Variants in MUC3A observed in about 807,000 individuals in gnomAD.
MUC3A encodes mucin 3A, cell surface associated.
MUC3A carries 109 observed loss-of-function variants against 109.0 expected under a neutral mutation model. The ratio of observed to expected loss-of-function variants is 1.00; its 90% confidence interval spans 0.86 to 1.17. MUC3A has a LOEUF of 1.17. Ranked by LOEUF, MUC3A falls within the 50% of genes most tolerant of loss-of-function variation. MUC3A has a pLI of 0.00. For synonymous variants in MUC3A, 1,398 were observed against 981.4 expected, an observed-to-expected ratio of 1.42 and a Z score of -7.93; for missense variants, 3,537 against 2,469.4, an observed-to-expected ratio of 1.43 and a Z score of -9.16.
chr7:100,965,617 C>T (rs587613728), intron 7 of MUC3A, 87 bp from the exon 8 acceptor site: 92 of 1,532,958 alleles, frequency 6.0e-5, no homozygotes, highest in Admixed American at 2.6e-4. Flanking sequence ...GAATCCTCCT[C>T]GCGCATATTC....
In MUC3A at chr7:100,965,408, A is replaced by G. The variant is rs1792498277; in HGVS notation, c.9448+61A>G. The G allele has an allele frequency of 1.9e-6, 3 of 1,566,892 alleles. No individual in the cohort carries two copies. The South Asian group carries it at 3.4e-5, about 18-fold the overall frequency. Reference sequence around the variant, plus strand: ...GGCTATGATCCGGGCTACCAGGGACATTTGCCCATTGAAGCCTGTGGGCAG... The same window carrying G: ...GGCTATGATCCGGGCTACCAGGGACGTTTGCCCATTGAAGCCTGTGGGCAG... On this transcript the variant is annotated intron_variant, in intron 7 of 11. Transcript: ENST00000379458.
In MUC3A at chr7:100,954,645, T is replaced by C; in HGVS notation, c.2866T>C (p.Ser956Pro). The C allele has an allele frequency of 2.5e-6, 1 of 400,004 alleles. No individual in the cohort carries two copies. Among genetic ancestry groups the C allele is most frequent in the South Asian group, 1.3e-4 (1 of 7,912 alleles). The allele number at this position is 400,004 out of a possible 1,614,324, so 24.8% of individuals were successfully genotyped here. The stretch of plus-strand genomic sequence containing the variant: ...CACTACCACCACCTCATTTACCACA[T>C]CCACAATGATGGAACCACCTTCATC... ...SPTTTTSFTT[S>P]TMMEPPSSTV... is the part of the protein sequence containing the mutation. The change falls in exon 2 of 12, where the codon TCC becomes CCC. Residue 956 changes from serine (S) to proline (P), a missense_variant. Coordinates refer to ENST00000379458, the MANE Select transcript of MUC3A (RefSeq NM_005960.2).
intron 5 of MUC3A, chr7:100,964,459 A>G: frequency 1.6e-6 from 1 of 638,078 alleles, no homozygotes; most frequent in Non-Finnish European, 2.5e-6. Flanking sequence ...CTTTGTCTCT[A>G]TAAAACACAC....
intron 5 of MUC3A, chr7:100,963,984 C>T (rs1792433057): frequency 4.6e-6 from 3 of 653,770 alleles, no homozygotes; most frequent in Non-Finnish European, 7.9e-6. Context: ...GTTGCAGGGA[C>T]ATGTGGGAAG....
chr7:100,962,815 T>C (rs1364464139), intron 3 of MUC3A, among the ~76,000 whole-genome samples: 20,438 of 79,464 alleles, frequency 0.26, 1,542 homozygotes, highest in South Asian at 0.34. Flanking sequence ...CTCTCTCTCT[T>C]TCTTTCTTTC....
In MUC3A at chr7:100,954,442, C is replaced by T; in HGVS notation, c.2663C>T (p.Thr888Ile). Residue 888 changes from threonine (T) to isoleucine (I), a missense_variant, in exon 2 of 12, where the codon ACT becomes ATT. By Grantham distance (89) the Thr-to-Ile change is moderately conservative. Transcript: ENST00000379458. ...TSATTPSGGP[T>I]FTSTENTPTR... ...GCTACCACTCCCAGTGGAGGACCAACTTTCACAAGTACTGAGAACACTCCA... is the reference window on the plus strand; with the variant it reads ...GCTACCACTCCCAGTGGAGGACCAATTTTCACAAGTACTGAGAACACTCCA... The T allele has an allele frequency of 2.5e-6, 1 of 402,886 alleles. No individual in the cohort carries two copies. Among genetic ancestry groups the T allele is most frequent in the Non-Finnish European group, 4.4e-6 (1 of 229,174 alleles). The allele number at this position is 402,886 out of a possible 1,614,324, so 25.0% of individuals were successfully genotyped here. A position where few individuals can be genotyped will look rare whatever the true frequency, so the allele number is the denominator to read the frequency against.
At position 100,959,854 on chromosome 7, in the gene MUC3A, C is replaced by T. The variant is rs1370211723; in HGVS notation, c.8075C>T (p.Ser2692Phe). ...WSSTPTIIMSSSPSSASITPV... is the reference protein window; with the variant it reads ...WSSTPTIIMSFSPSSASITPV... ...TCAACACCCACTATTATCATGTCCT[C>T]TTCTCCATCTTCTGCCAGCATAACT... The change falls in exon 2 of 12, where the codon TCT becomes TTT. Residue 2692 changes from serine to phenylalanine, a missense_variant. Transcript: ENST00000379458. The T allele has an allele frequency of 1.3e-6, 2 of 1,561,604 alleles. No homozygotes were observed. Among genetic ancestry groups the T allele is most frequent in the East Asian group, 2.2e-5 (1 of 44,666 alleles).
chr7:100,950,812 G>T (rs1469080265), intron 1 of MUC3A, among the ~76,000 whole-genome samples: 1 of 152,312 alleles, frequency 6.6e-6, no homozygotes, highest in African/African-American at 2.4e-5. Flanking sequence ...GTCTATTTGT[G>T]TGATGAACAC....
intron 8 of MUC3A, 144 bp downstream of exon 8, chr7:100,966,010 G>A: frequency 1.5e-6 from 2 of 1,341,176 alleles, no homozygotes; most frequent in Non-Finnish European, 2.0e-6. Flanking sequence ...GCCCATCCCC[G>A]TTGCCCTACA....
chr7:100,959,934 A>G lies in MUC3A; in HGVS notation c.8155A>G (p.Thr2719Ala). 1 of 1,512,356 alleles carries G rather than the reference A, an allele frequency of 6.6e-7. No homozygotes were observed. The highest frequency in any genetic ancestry group is 8.8e-7 in the Non-Finnish European group (1 of 1,141,586). The allele number at this position is 1,512,356 out of a possible 1,614,324, so 93.7% of individuals were successfully genotyped here. ...TCCTTCTTCACCATACATTTTCAGT[A>G]CAGAAAATGTGGGCTCCGCTTCTAT... ...SVPSSPYIFS[T>A]ENVGSASITG... is the part of the protein sequence containing the mutation. Residue 2719 changes from threonine (T) to alanine (A), a missense_variant, in exon 2 of 12, where the codon ACA becomes GCA. Coordinates refer to ENST00000379458, the MANE Select transcript of MUC3A (RefSeq NM_005960.2).
chr7:100,966,404 G>T lies in MUC3A; in HGVS notation c.9630G>T (p.Thr3210=). Reference sequence around the variant, plus strand: ...CCCGCAGCTGCTACTCCACCGACACGCACTGGTTCTCTGGCCCGCGCTGCG... The same window carrying T: ...CCCGCAGCTGCTACTCCACCGACACTCACTGGTTCTCTGGCCCGCGCTGCG... The part of the protein sequence containing the change: ...GPTCRCYSTD[T]HWFSGPRCEV... Residue 3210 remains threonine (T), a synonymous_variant, in exon 9 of 12, where the codon ACG becomes ACT. Coordinates refer to ENST00000379458, the MANE Select transcript of MUC3A (RefSeq NM_005960.2). 2 of 1,346,656 alleles carry T rather than the reference G, an allele frequency of 1.5e-6. No individual in the cohort carries two copies. Among genetic ancestry groups the T allele is most frequent in the Non-Finnish European group, 1.9e-6 (2 of 1,055,306 alleles). 83.4% of individuals were successfully genotyped at this position (1,346,656 alleles called of 1,614,324 possible).
Position 100,960,323 on chromosome 7 carries a change from T to C in MUC3A, c.8544T>C (p.Ser2848=), listed in dbSNP as rs112050489. ...CCAGCATCTCACCCAATGCTTCCAGTTCCACTGGCACTGGGACTGTACCCA... is the reference window on the plus strand; with the variant it reads ...CCAGCATCTCACCCAATGCTTCCAGCTCCACTGGCACTGGGACTGTACCCA... ...SESSISPNAS[S]STGTGTVPTN... is the part of the protein sequence containing the mutation. The change falls in exon 2 of 12, where the codon AGT becomes AGC. Residue 2848 remains serine (S), a synonymous_variant. Coordinates refer to ENST00000379458, the MANE Select transcript of MUC3A (RefSeq NM_005960.2). The C allele has an allele frequency of 0.1, 126,948 of 1,258,504 alleles. No individual in the cohort carries two copies. The highest frequency in any genetic ancestry group is 0.11 in the Non-Finnish European group (101,256 of 902,514). 78.0% of individuals were successfully genotyped at this position (1,258,504 alleles called of 1,614,324 possible).
Position 100,960,155 on chromosome 7 carries a change from C to T in MUC3A, c.8376C>T (p.Ser2792=). Reference sequence around the variant, plus strand: ...ATCCATGTGTTGAAATGGATCCCAGCACTGAAGCTACTTCTCCTCCCACCA... The same window carrying T: ...ATCCATGTGTTGAAATGGATCCCAGTACTGAAGCTACTTCTCCTCCCACCA... ...PTDPCVEMDP[S]TEATSPPTTP... The change falls in exon 2 of 12, where the codon AGC becomes AGT. Residue 2792 remains serine (S), a synonymous_variant. Transcript: ENST00000379458. 1.3e-6 allele frequency: 2 copies of T among 1,564,722 alleles called. No homozygotes were observed. Among genetic ancestry groups the T allele is most frequent in the Non-Finnish European group, 1.7e-6 (2 of 1,161,428 alleles).
Position 100,966,562 on chromosome 7 carries a change from G to T in MUC3A, c.9785+3G>T. 6.8e-7 allele frequency: 1 copy of T among 1,460,362 alleles called. No homozygotes were observed. The highest frequency in any genetic ancestry group is 9.0e-7 in the Non-Finnish European group (1 of 1,113,972). The allele number at this position is 1,460,362 out of a possible 1,614,324, so 90.5% of individuals were successfully genotyped here. A position where few individuals can be genotyped will look rare whatever the true frequency, so the allele number is the denominator to read the frequency against. ...TGGGGCGGCCAGCGCCGAGGCCGGTGAGCGTGCGGGGGGCGGGGCCGGGGG... is the reference window on the plus strand; with the variant it reads ...TGGGGCGGCCAGCGCCGAGGCCGGTTAGCGTGCGGGGGGCGGGGCCGGGGG... On this transcript the variant is annotated splice_donor_region_variant and intron_variant, in intron 9 of 11. Coordinates refer to ENST00000379458, the MANE Select transcript of MUC3A (RefSeq NM_005960.2).
chr7:100,964,284 GTAA>G (rs10675342), intron 5 of MUC3A: 3,107 of 156,722 alleles, frequency 0.02, no homozygotes, highest in Middle Eastern at 0.035. Flanking sequence ...AGTAAAAATA[GTAA>G]TAATAATAAT....
chr7:100,956,877 C>T lies in MUC3A; in HGVS notation c.5098C>T (p.Pro1700Ser). The T allele has an allele frequency of 4.9e-6, 2 of 412,260 alleles. No homozygotes were observed. Among genetic ancestry groups the T allele is most frequent in the Non-Finnish European group, 8.5e-6 (2 of 235,678 alleles). 25.5% of individuals were successfully genotyped at this position (412,260 alleles called of 1,614,324 possible). The change falls in exon 2 of 12, where the codon CCT (proline) becomes TCT (serine). Residue 1700 changes from proline (P) to serine (S), a missense_variant. Pro to Ser is a moderately conservative substitution (Grantham distance 74). Transcript: ENST00000379458. ...LHTTAESTPSPTTTMSFTTFT... is the reference protein window; with the variant it reads ...LHTTAESTPSSTTTMSFTTFT... ...CACAACAGCTGAATCCACCCCATCA[C>T]CTACAACCACCATGTCATTCACAAC...
Position 100,953,402 on chromosome 7 carries a change from C to T in MUC3A, c.1623C>T (p.Ala541=). 2.0e-6 allele frequency: 1 copy of T among 512,616 alleles called. No individual in the cohort carries two copies. Among genetic ancestry groups the T allele is most frequent in the Non-Finnish European group, 3.4e-6 (1 of 294,824 alleles). The allele number at this position is 512,616 out of a possible 1,614,324, so 31.8% of individuals were successfully genotyped here. The change falls in exon 2 of 12, where the codon GCC becomes GCT. Residue 541 remains alanine (A), a synonymous_variant. Coordinates refer to ENST00000379458, the MANE Select transcript of MUC3A (RefSeq NM_005960.2). ...ATTCATTTTCATCTTCCATGTCTGC[C>T]AGCAGTGCTGGGACCACTCACACAG... The part of the protein sequence containing the change: ...ATYSFSSSMS[A]SSAGTTHTES...
In MUC3A at chr7:100,953,476, C is replaced by G; in HGVS notation, c.1697C>G (p.Ala566Gly). 1 of 463,516 alleles carries G rather than the reference C, an allele frequency of 2.2e-6. No individual in the cohort carries two copies. The allele number at this position is 463,516 out of a possible 1,614,324, so 28.7% of individuals were successfully genotyped here. A position where few individuals can be genotyped will look rare whatever the true frequency, so the allele number is the denominator to read the frequency against. ...AGCACCAGTACACTCCACACAACAG[C>G]TGAATCCACCCTGGCACCCACTACC... The part of the protein sequence containing the change: ...PASTSTLHTT[A>G]ESTLAPTTTT... Residue 566 changes from alanine (A) to glycine (G), a missense_variant, in exon 2 of 12, where the codon GCT becomes GGT. Physicochemically the swap from Ala to Gly is moderately conservative, Grantham distance 60. Coordinates refer to ENST00000379458, the MANE Select transcript of MUC3A (RefSeq NM_005960.2).
chr7:100,966,825 C>A, intron 10 of MUC3A, 74 bp from the exon 11 acceptor site: 1 of 1,598,418 alleles, frequency 6.3e-7, no homozygotes, highest in Non-Finnish European at 8.5e-7. Flanking sequence ...GCCTTCCTCG[C>A]ATTTACTCCG....
Sources: gnomAD v4.1 joint callset for allele counts (sites outside exome capture counted in the v4.1 genomes callset) on GRCh38, gnomAD v4.1.1 for gene constraint, MANE v1.5 for transcripts, NCBI Gene and HGNC (gene_info 2026-07-23, HGNC 2026-07-21) for gene names.